The following CHAF1A variants were observed in gnomAD, a reference collection of about 807,000 sequenced individuals.
CHAF1A encodes chromatin assembly factor 1 subunit A, also known as CAF-1 subunit A.
In CHAF1A, 5 loss-of-function variants were observed where a neutral mutation model predicts 93.2. The ratio of observed to expected loss-of-function variants is 0.05; its 90% CI spans 0.03 to 0.11. CHAF1A has a LOEUF of 0.11. CHAF1A is among the 10% of genes least tolerant of loss of function. The pLI is 1.00. For missense variants in CHAF1A, 1,102 were observed against 1,259.9 expected (o/e 0.87, Z 1.90); for synonymous variants, 504 against 510.3 (o/e 0.99, Z 0.17).
chr19:4,428,974 C>G, intron 8 of CHAF1A, 84 bp downstream of exon 8: 1 of 1,113,298 alleles, frequency 9.0e-7, no homozygotes, highest in South Asian at 1.4e-5. Flanking sequence ...GGGGTGGGAG[C>G]TCTGGGTCCT....
chr19:4,432,251 A>T, intron 12 of CHAF1A, 44 bp downstream of exon 12: 1 of 1,550,250 alleles, frequency 6.5e-7, no homozygotes, highest in Non-Finnish European at 8.7e-7. Context: ...TCCTGGGCCC[A>T]GCTAATTCCA....
chr19:4,448,669 T>C (rs1019545586), downstream of CHAF1A: 1 of 531,822 alleles, frequency 1.9e-6, no homozygotes, highest in East Asian at 3.2e-5. Context: ...GCTAGATCCA[T>C]GGGACTTGGA....
rs1974275333 is a variant in CHAF1A at position 4,435,936 on chromosome 19, C to G, written c.2673+2397C>G. On this transcript the variant is annotated intron_variant, in intron 13 of 14. Transcript: ENST00000301280. ...GGCAGATCACCTGAAGTCAGGAGTTCGAGACCATCCTGGCCAACATGGTGA... is the reference window on the plus strand; with the variant it reads ...GGCAGATCACCTGAAGTCAGGAGTTGGAGACCATCCTGGCCAACATGGTGA... Among the ~76,000 whole-genome samples, 5 of 152,120 alleles carry G rather than the reference C, an allele frequency of 3.3e-5. No homozygotes were observed. The South Asian group carries it at 1.0e-3, about 32-fold the overall frequency.
At chr19:4,450,088 G>C in the CHAF1A span, 1 of 152,046 alleles carries the variant, frequency 6.6e-6, no homozygotes, top group Admixed American at 6.6e-5. Context: ...GCCCGGGTGT[G>C]GTGGCGTGCA....
rs35526816 is a variant in CHAF1A at position 4,405,608 on chromosome 19, C to CA, written c.53-288dup. 6.7e-3 allele frequency among the ~76,000 whole-genome samples: 616 copies of CA among 91,668 alleles called. 1 individual carries two copies. Among genetic ancestry groups the CA allele is most frequent in the Middle Eastern group, 0.032 (5 of 154 alleles). The allele number at this position is 91,668 out of a possible 152,430, so 60.1% of individuals were successfully genotyped here. ...GGGCGACAGAGTGAGACTCTGTCTC[C>CA]AAAAAAAAAAAAAAAATTTTTTTTT... is the stretch of plus-strand genomic sequence containing the variant. On this transcript the variant is annotated intron_variant, in intron 1 of 14. Coordinates refer to ENST00000301280, the MANE Select transcript of CHAF1A (RefSeq NM_005483.3).
At chr19:4,410,905 T>C (rs777892008) in intron 3 of CHAF1A, among the ~76,000 whole-genome samples, 8 of 152,240 alleles carry the variant, frequency 5.3e-5, no homozygotes, top group Non-Finnish European at 8.8e-5. Flanking sequence ...GTCTCTGTTA[T>C]TGATTTTTTA....
intron 3 of CHAF1A, among the ~76,000 whole-genome samples, chr19:4,417,789 C>A: frequency 6.6e-6 from 1 of 152,120 alleles, no homozygotes; most frequent in African/African-American, 2.4e-5. Context: ...TCTGAGCTTG[C>A]CTTGTTTTTC....
At chr19:4,403,264 G>A (rs243339) in intron 1 of CHAF1A, among the ~76,000 whole-genome samples, 50,046 of 151,970 alleles carry the variant, frequency 0.33, 8,717 homozygotes, top group East Asian at 0.59. Context: ...GGTAAGCCCG[G>A]GTAAGAAGAG....
chr19:4,435,430 T>G (rs751607253), intron 13 of CHAF1A, among the ~76,000 whole-genome samples: 4 of 152,000 alleles, frequency 2.6e-5, no homozygotes, highest in Non-Finnish European at 4.4e-5. Context: ...TGTAGTGCAG[T>G]GGCGTGATCA....
At chr19:4,414,656 C>T (rs1214656047) in intron 3 of CHAF1A, among the ~76,000 whole-genome samples, 2 of 152,088 alleles carry the variant, frequency 1.3e-5, no homozygotes, top group African/African-American at 2.4e-5. Context: ...TTAACAGCTG[C>T]GTGATATCCC....
Position 4,437,313 on chromosome 19 carries a change from T to C in CHAF1A, c.2673+3774T>C, listed in dbSNP as rs371513210. ...CACAGGTGGGACCCAAAGGTGGGGC[T>C]GTGGAAGCACATGAGCCCGGATGGG... On this transcript the variant is annotated intron_variant, in intron 13 of 14. Transcript: ENST00000301280. Among the ~76,000 whole-genome samples the C allele has an allele frequency of 2.3e-4, 35 of 152,156 alleles. No individual in the cohort carries two copies. In the South Asian group the frequency reaches 5.4e-3, roughly 23 times the overall value.
chr19:4,442,481 C>T (rs1974411806), intron 14 of CHAF1A, 140 bp downstream of exon 14: 1 of 720,568 alleles, frequency 1.4e-6, no homozygotes. Flanking sequence ...TGGCTCCTGC[C>T]CTGCCACATC....
rs778100682 is a variant in CHAF1A, at chr19:4,408,461, C to CTTTTTTTTTTTTTTTTTTTTTTTTTTTTT, written c.104-440_104-412dup. ...CCTGCCTTGGCCTCCCGCACCCGGC[C>CTTTTTTTTTTTTTTTTTTTTTTTTTTTTT]TTTTTTTTTTTTTTTTTTTTTTTTT... On this transcript the variant is annotated intron_variant, in intron 2 of 14. Transcript: ENST00000301280. 8.3e-5 allele frequency among the ~76,000 whole-genome samples: 3 copies of CTTTTTTTTTTTTTTTTTTTTTTTTTTTTT among 36,020 alleles called. 1 individual carries two copies. Among genetic ancestry groups the CTTTTTTTTTTTTTTTTTTTTTTTTTTTTT allele is most frequent in the Non-Finnish European group, 1.3e-4 (3 of 23,074 alleles). 23.6% of individuals were successfully genotyped at this position (36,020 alleles called of 152,430 possible).
intron 13 of CHAF1A, among the ~76,000 whole-genome samples, chr19:4,439,360 G>A (rs931589316): frequency 6.6e-6 from 1 of 152,052 alleles, no homozygotes; most frequent in African/African-American, 2.4e-5. Context: ...ACGTTTTCCT[G>A]ACTCCTGTTT....
Position 4,442,943 on chromosome 19 carries a change from G to C in CHAF1A, c.2789G>C (p.Gly930Ala), listed in dbSNP as rs1324519719. ...PDAAEVQAPC[G>A]AASGAGGGVG... The stretch of plus-strand genomic sequence containing the variant: ...CCTGCAGAGGTCCAAGCCCCGTGTG[G>C]AGCCGCTTCCGGAGCTGGGGGTGGT... Residue 930 changes from glycine to alanine, a missense_variant, in exon 15 of 15, where the codon GGA becomes GCA. Physicochemically the swap from Gly to Ala is moderately conservative, Grantham distance 60. Coordinates refer to ENST00000301280, the MANE Select transcript of CHAF1A (RefSeq NM_005483.3). 3 of 1,600,112 alleles carry C rather than the reference G, an allele frequency of 1.9e-6. No individual in the cohort carries two copies. Among genetic ancestry groups the C allele is most frequent in the Non-Finnish European group, 2.6e-6 (3 of 1,174,290 alleles).
intron 3 of CHAF1A, among the ~76,000 whole-genome samples, 172 bp from the exon 4 acceptor site, chr19:4,417,848 T>C (rs34080966): frequency 0.19 from 28,667 of 152,154 alleles, 3,067 homozygotes; most frequent in Admixed American, 0.27. Context: ...CCGTAGTCTC[T>C]CTTGTTATCT....
At chr19:4,419,813 C>A (rs954329964) in intron 4 of CHAF1A, among the ~76,000 whole-genome samples, 1 of 152,166 alleles carries the variant, frequency 6.6e-6, no homozygotes, top group Non-Finnish European at 1.5e-5. Context: ...TCCCGCACAC[C>A]GGGTTGGGGA....
chr19:4,419,238 G>A (rs1354157991), intron 4 of CHAF1A, among the ~76,000 whole-genome samples: 3 of 151,838 alleles, frequency 2.0e-5, no homozygotes, highest in Non-Finnish European at 4.4e-5. Flanking sequence ...ATGTCATACC[G>A]AAACAAACCA....
Position 4,409,768 on chromosome 19 carries a change from C to A in CHAF1A, c.960+9C>A. On this transcript the variant is annotated intron_variant, in intron 3 of 14. Coordinates refer to ENST00000301280, the MANE Select transcript of CHAF1A (RefSeq NM_005483.3). ...CCACGCCCCTCCGCAGAGTGAGTAT[C>A]TCCCATGGAGTCCCTGCACATCAGT... The A allele has an allele frequency of 6.3e-7, 1 of 1,599,352 alleles. No homozygotes were observed.
Sources: allele counts gnomAD v4.1 joint callset (sites outside exome capture counted in the v4.1 genomes callset), GRCh38; gene constraint gnomAD v4.1.1; transcripts MANE v1.5; gene names NCBI Gene and HGNC (gene_info 2026-07-23, HGNC 2026-07-21).